The following DLG2 variants were observed in gnomAD, a reference collection of about 807,000 sequenced individuals.
The protein encoded by DLG2 is discs large MAGUK scaffold protein 2.
In DLG2, 45 loss-of-function variants were observed where a neutral mutation model predicts 132.5. The observed-to-expected ratio is 0.34, with a 90% CI of 0.27 to 0.44. DLG2 has a LOEUF of 0.44. DLG2 is among the 20% of genes least tolerant of loss of function. The pLI is 1.00. For missense variants in DLG2, 1,045 were observed against 1,196.9 expected, an observed-to-expected ratio of 0.87 and a Z score of 1.87; for synonymous variants, 424 against 419.6, an observed-to-expected ratio of 1.01 and a Z score of -0.13.
At chr11:84,732,624 G>A (rs990949649) in intron 6 of DLG2, among the ~76,000 whole-genome samples, 4 of 150,996 alleles carry the variant, frequency 2.6e-5, no homozygotes, top group Non-Finnish European at 5.9e-5. Flanking sequence ...CTTAAGTTTT[G>A]AGAGTTTTAT....
chr11:83,943,070 A>G (rs1487739957), intron 14 of DLG2, among the ~76,000 whole-genome samples: 3 of 152,196 alleles, frequency 2.0e-5, no homozygotes, highest in Non-Finnish European at 4.4e-5. Context: ...GCCTGCTGCC[A>G]TCCTTGCCTT....
chr11:84,600,214 A>AAGAAAGAAAGAAAGAAAG (rs2099573365), intron 6 of DLG2, among the ~76,000 whole-genome samples: 1 of 136,524 alleles, frequency 7.3e-6, no homozygotes, highest in Non-Finnish European at 1.5e-5. Flanking sequence ...GAAAGAAAGA[A>AAGAAAGAAAGAAAGAAAG]AGAAAGAAAG....
chr11:85,616,892 A>T (rs912871087), intron 2 of DLG2, among the ~76,000 whole-genome samples: 1 of 152,184 alleles, frequency 6.6e-6, no homozygotes, highest in South Asian at 2.1e-4. Flanking sequence ...GACATATCAA[A>T]TATCTGTCAA....
At chr11:85,400,064 A>T (rs78452030) in intron 3 of DLG2, among the ~76,000 whole-genome samples, 131,087 of 151,246 alleles carry the variant, frequency 0.87, 57,167 homozygotes, top group Non-Finnish European at 0.92. Flanking sequence ...GAATCTACAA[A>T]GAACTCAAAC....
At chr11:85,176,626 A>G in intron 4 of DLG2, among the ~76,000 whole-genome samples, 1 of 152,230 alleles carries the variant, frequency 6.6e-6, no homozygotes, top group East Asian at 1.9e-4. Context: ...ATCTAATTTA[A>G]CTAAACAGCC....
At chr11:84,198,399 A>G (rs2096550135) in intron 8 of DLG2, among the ~76,000 whole-genome samples, 1 of 152,168 alleles carries the variant, frequency 6.6e-6, no homozygotes, top group Admixed American at 6.5e-5. Flanking sequence ...CTTTAGGGAA[A>G]TATATTTTAT....
At chr11:85,495,950 G>T (rs572359218) in intron 3 of DLG2, among the ~76,000 whole-genome samples, 6 of 152,184 alleles carry the variant, frequency 3.9e-5, no homozygotes, top group Non-Finnish European at 7.3e-5. Context: ...GGCCAAACAG[G>T]AAGAGCTCAG....
chr11:84,690,958 T>C (rs80218238), intron 6 of DLG2, among the ~76,000 whole-genome samples: 2,441 of 151,962 alleles, frequency 0.016, 73 homozygotes, highest in African/African-American at 0.055. Context: ...TCTTATAACA[T>C]TGACATAAAG....
At chr11:83,872,888 A>T (rs2063747072) in intron 16 of DLG2, among the ~76,000 whole-genome samples, 1 of 152,082 alleles carries the variant, frequency 6.6e-6, no homozygotes, top group Non-Finnish European at 1.5e-5. Flanking sequence ...CCACACCCTT[A>T]CCTCTACTGC....
chr11:84,973,746 T>C (rs555306294), intron 6 of DLG2, among the ~76,000 whole-genome samples: 5 of 152,322 alleles, frequency 3.3e-5, no homozygotes, highest in African/African-American at 9.6e-5. Flanking sequence ...ATGGTCTCCA[T>C]TGCCAATACT....
chr11:85,387,857 G>A (rs1393797802), intron 3 of DLG2, among the ~76,000 whole-genome samples: 1 of 152,194 alleles, frequency 6.6e-6, no homozygotes, highest in Non-Finnish European at 1.5e-5. Context: ...CTCCTACTCA[G>A]AGGAACAGAG....
intron 19 of DLG2, among the ~76,000 whole-genome samples, chr11:83,606,635 A>T (rs975068609): frequency 2.0e-5 from 1 of 49,022 alleles, no homozygotes; most frequent in African/African-American, 1.1e-4. Flanking sequence ...GTGTTTGTTA[A>T]AAAAAAAAAA....
At chr11:84,685,993 C>T (rs1301261867) in intron 6 of DLG2, among the ~76,000 whole-genome samples, 1 of 152,140 alleles carries the variant, frequency 6.6e-6, no homozygotes, top group African/African-American at 2.4e-5. Context: ...GGCCTATTTT[C>T]TGTATTCTTT....
intron 8 of DLG2, among the ~76,000 whole-genome samples, chr11:84,218,393 G>A (rs1206293735): frequency 6.8e-6 from 1 of 146,344 alleles, no homozygotes; most frequent in African/African-American, 2.5e-5. Context: ...AGGGAGGGAG[G>A]GAGGGAGGAA....
chr11:85,238,344 A>C (rs1441968856), intron 4 of DLG2, among the ~76,000 whole-genome samples: 1 of 151,572 alleles, frequency 6.6e-6, no homozygotes, highest in Non-Finnish European at 1.5e-5. Context: ...CCTGGGTTCA[A>C]GCAATTCTCC....
intron 2 of DLG2, among the ~76,000 whole-genome samples, chr11:85,606,570 C>A (rs1420643516): frequency 6.6e-6 from 1 of 152,072 alleles, no homozygotes; most frequent in African/African-American, 2.4e-5. Flanking sequence ...GTGGGTGGGG[C>A]CAAATAAGGG....
chr11:83,501,882 T>C (rs2094464980), intron 21 of DLG2, among the ~76,000 whole-genome samples: 2 of 152,194 alleles, frequency 1.3e-5, no homozygotes, highest in South Asian at 2.1e-4. Context: ...CCACAGTTAC[T>C]CAGTTTGGAC....
intron 15 of DLG2, among the ~76,000 whole-genome samples, chr11:83,910,184 G>C (rs2075806381): frequency 6.6e-6 from 1 of 152,152 alleles, no homozygotes; most frequent in African/African-American, 2.4e-5. Context: ...AACTGCAGCT[G>C]CTGAGCTCTG....
At chr11:83,470,745 A>G (rs920870938) in intron 24 of DLG2, among the ~76,000 whole-genome samples, 7 of 152,202 alleles carry the variant, frequency 4.6e-5, no homozygotes, top group African/African-American at 1.7e-4. Context: ...GACACATACA[A>G]TTCCTGCTAT....
Sources: gnomAD v4.1 joint callset for allele counts (sites outside exome capture counted in the v4.1 genomes callset) on GRCh38, gnomAD v4.1.1 for gene constraint, MANE v1.5 for transcripts, NCBI Gene and HGNC (gene_info 2026-07-23, HGNC 2026-07-21) for gene names.